CLBA1: variants seen among roughly 807,000 people sequenced by gnomAD.
The protein encoded by CLBA1 is clathrin binding box of aftiphilin containing 1.
A neutral mutation model predicts 28.8 loss-of-function variants in CLBA1; 30 were observed. The ratio of observed to expected loss-of-function variants is 1.04; its 90% CI spans 0.78 to 1.41. The LOEUF (loss-of-function observed/expected upper bound fraction) is 1.41. Ranked by LOEUF, CLBA1 falls within the 40% of genes most tolerant of loss-of-function variation. The pLI, the probability that CLBA1 is intolerant of heterozygous loss-of-function variation, is 0.00. For synonymous variants in CLBA1, 160 were observed against 152.8 expected (o/e 1.05, Z -0.35); for missense variants, 451 against 412.3 (o/e 1.09, Z -0.81).
downstream of CLBA1, among the ~76,000 whole-genome samples, chr14:104,998,684 G>T (rs2140902032): frequency 6.6e-6 from 1 of 152,352 alleles, no homozygotes; most frequent in Non-Finnish European, 1.5e-5. Context: ...CCTGGCCAAG[G>T]CCCCCTGCCC....
At chr14:104,992,898 G>A (rs747260131) in intron 3 of CLBA1, 50 bp from the exon 4 acceptor site, 1 of 1,411,902 alleles carries the variant, frequency 7.1e-7, no homozygotes, top group East Asian at 2.3e-5. Flanking sequence ...AAGGAAACAG[G>A]AGACAAAATG....
intron 4 of CLBA1, 40 bp from the exon 5 acceptor site, chr14:104,994,558 C>T (rs756310288): frequency 1.9e-6 from 3 of 1,569,108 alleles, no homozygotes; most frequent in Admixed American, 1.9e-5. Context: ...CTTCTCATTG[C>T]CCGGGGTGCG....
intron 2 of CLBA1, among the ~76,000 whole-genome samples, chr14:105,000,818 C>T (rs1010683235): frequency 1.8e-4 from 28 of 151,878 alleles, no homozygotes; most frequent in African/African-American, 5.6e-4. Flanking sequence ...GTAGTACCGC[C>T]GCTATGGAAA....
downstream of CLBA1, among the ~76,000 whole-genome samples, chr14:104,996,980 T>C (rs938395419): frequency 1.3e-5 from 2 of 152,320 alleles, no homozygotes; most frequent in Non-Finnish European, 2.9e-5. Flanking sequence ...TTATATGAAC[T>C]GTCTAGCCTG....
At chr14:104,993,443 G>A (rs1289635425) in intron 4 of CLBA1, 1 of 985,290 alleles carries the variant, frequency 1.0e-6, no homozygotes, top group Non-Finnish European at 1.2e-6. Flanking sequence ...ACTCCGCCTG[G>A]GCAGCTGTCG....
At chr14:104,990,898 G>A (rs1313067921) in intron 2 of CLBA1, 1 of 155,308 alleles carries the variant, frequency 6.4e-6, no homozygotes, top group Non-Finnish European at 1.4e-5. Context: ...GTGCTGTGAG[G>A]CATAGAGGGG....
chr14:104,991,476 G>A lies in CLBA1; in HGVS notation c.570-15G>A. The A allele has an allele frequency of 6.2e-7, 1 of 1,613,510 alleles. No homozygotes were observed. Among genetic ancestry groups the A allele is most frequent in the South Asian group, 1.1e-5 (1 of 91,038 alleles). On this transcript the variant is annotated splice_polypyrimidine_tract_variant and intron_variant, in intron 2 of 4. Coordinates refer to ENST00000547315, the MANE Select transcript of CLBA1 (RefSeq NM_174891.4). ...CTCTCAAGGTCACCTTTTAACAAGT[G>A]CATCTGTTTTCCAGTAACGAATCCA...
chr14:104,989,970 T>A (rs1899975549), intron 2 of CLBA1: 1 of 287,044 alleles, frequency 3.5e-6, no homozygotes, highest in African/African-American at 2.2e-5. Flanking sequence ...CTACAGGGGC[T>A]TGAGGACAGA....
At chr14:104,992,021 G>A (rs1247340103) in intron 3 of CLBA1, among the ~76,000 whole-genome samples, 22 of 112,442 alleles carry the variant, frequency 2.0e-4, no homozygotes, top group South Asian at 6.3e-4. Context: ...ACCACATGCC[G>A]CCATGCACAC....
downstream of CLBA1, among the ~76,000 whole-genome samples, chr14:104,999,959 A>G (rs1259843756): frequency 6.6e-6 from 1 of 152,248 alleles, no homozygotes; most frequent in Non-Finnish European, 1.5e-5. Flanking sequence ...ACAAAATGGA[A>G]AATGGCAGAA....
At position 104,994,627 on chromosome 14, in the gene CLBA1, G is replaced by A. The variant is rs1394198118; in HGVS notation, c.846G>A (p.Gly282=). ...CGGGGCCGCCTGGCAGCAAACAGGG[G>A]AGGCTGATGACATGCAGCCGCTTCC... The part of the protein sequence containing the change: ...KLSGPPGSKQ[G]RLMTCSRFLK... Residue 282 remains glycine (G), a synonymous_variant, in exon 5 of 5, where the codon GGG becomes GGA. Coordinates refer to ENST00000547315, the MANE Select transcript of CLBA1 (RefSeq NM_174891.4). The A allele has an allele frequency of 1.9e-6, 3 of 1,612,400 alleles. No homozygotes were observed. Among genetic ancestry groups the A allele is most frequent in the African/African-American group, 1.3e-5 (1 of 74,902 alleles).
At chr14:104,989,295 C>T (rs945125338) in intron 2 of CLBA1, 1 of 547,662 alleles carries the variant, frequency 1.8e-6, no homozygotes, top group East Asian at 3.2e-5. Flanking sequence ...CCTATTCATC[C>T]TCCTCCCCAG....
chr14:104,989,813 G>C, intron 2 of CLBA1: 1 of 417,706 alleles, frequency 2.4e-6, no homozygotes, highest in Middle Eastern at 5.9e-4. Context: ...CAGCAGCCAG[G>C]GGAGAGCCAG....
chr14:104,991,190 A>G (rs530492371), intron 2 of CLBA1: 59 of 237,606 alleles, frequency 2.5e-4, no homozygotes, highest in Non-Finnish European at 3.8e-4. Context: ...ACGCCCGGCT[A>G]TTTTTTTGTA....
Position 104,994,640 on chromosome 14 carries a change from T to C in CLBA1, c.859T>C (p.Cys287Arg). 3 of 1,613,440 alleles carry C rather than the reference T, an allele frequency of 1.9e-6. No individual in the cohort carries two copies. Among genetic ancestry groups the C allele is most frequent in the Non-Finnish European group, 2.5e-6 (3 of 1,179,962 alleles). ...PGSKQGRLMT[C>R]SRFLKTPSCG... ...CAGCAAACAGGGGAGGCTGATGACA[T>C]GCAGCCGCTTCCTGAAGACCCCCTC... The change falls in exon 5 of 5, where the codon TGC becomes CGC. Residue 287 changes from cysteine to arginine, a missense_variant. Cys to Arg is a radical substitution (Grantham distance 180). Coordinates refer to ENST00000547315, the MANE Select transcript of CLBA1 (RefSeq NM_174891.4).
intron 3 of CLBA1, among the ~76,000 whole-genome samples, chr14:104,991,901 G>A (rs1282617093): frequency 6.6e-6 from 1 of 152,162 alleles, no homozygotes; most frequent in East Asian, 1.9e-4. Context: ...GCAACAGTGT[G>A]TGTGCACTCA....
At chr14:104,987,158 G>T (rs1281552345) in intron 1 of CLBA1, among the ~76,000 whole-genome samples, 2 of 152,276 alleles carry the variant, frequency 1.3e-5, no homozygotes, top group African/African-American at 4.8e-5. Flanking sequence ...ATTGGTGGGG[G>T]CTGCACTGGC....
chr14:104,986,371 C>G lies in CLBA1; in HGVS notation c.-61C>G. 6.5e-7 allele frequency: 1 copy of G among 1,549,788 alleles called. No individual in the cohort carries two copies. The highest frequency in any genetic ancestry group is 8.7e-7 in the Non-Finnish European group (1 of 1,148,658). On this transcript the variant is annotated 5_prime_UTR_variant, in exon 1 of 5. Coordinates refer to ENST00000547315, the MANE Select transcript of CLBA1 (RefSeq NM_174891.4). ...TGGGCAGTCCTGGGCGGCCAGCACCCCGGCGTGCATGTCTCCTGAGCAGCT... is the reference window on the plus strand; with the variant it reads ...TGGGCAGTCCTGGGCGGCCAGCACCGCGGCGTGCATGTCTCCTGAGCAGCT...
At chr14:104,991,944 G>A (rs114246367) in intron 3 of CLBA1, among the ~76,000 whole-genome samples, 6,128 of 150,452 alleles carry the variant, frequency 0.041, 412 homozygotes, top group African/African-American at 0.14. Flanking sequence ...ATGCCACCAC[G>A]CACACGCCGC....
Sources: gnomAD v4.1 joint callset for allele counts (sites outside exome capture counted in the v4.1 genomes callset) on GRCh38, gnomAD v4.1.1 for gene constraint, MANE v1.5 for transcripts, NCBI Gene and HGNC (gene_info 2026-07-23, HGNC 2026-07-21) for gene names.